The following CLTRN variants were observed in gnomAD, a reference collection of about 807,000 sequenced individuals.
CLTRN encodes collectrin.
CLTRN carries 12 observed loss-of-function variants against 14.5 expected under a neutral mutation model. The observed-to-expected ratio is 0.83, with a 90% CI of 0.53 to 1.34. The LOEUF is 1.34. CLTRN is among the 40% of genes most tolerant of loss of function. The pLI, the probability that CLTRN is intolerant of heterozygous loss-of-function variation, is 0.00. For missense variants in CLTRN, 154 were observed against 165.1 expected, an observed-to-expected ratio of 0.93 and a Z score of 0.37; for synonymous variants, 58 against 56.5, an observed-to-expected ratio of 1.03 and a Z score of -0.12.
intron 1 of CLTRN, 108 bp from the exon 2 acceptor site, chrX:15,664,503 A>T: frequency 1.4e-6 from 1 of 721,157 alleles, no homozygotes; most frequent in East Asian, 3.5e-5. Context: ...GGAACAAAGA[A>T]CTACAATTAA....
At chrX:15,652,517 T>C (rs1929243999) in intron 3 of CLTRN, among the ~76,000 whole-genome samples, 1 of 110,505 alleles carries the variant, frequency 9.0e-6, no homozygotes, top group South Asian at 3.8e-4. Flanking sequence ...CCTTTTATCT[T>C]TGGCCTTTTT....
intron 5 of CLTRN, among the ~76,000 whole-genome samples, chrX:15,633,605 A>G (rs1008647880): frequency 8.8e-6 from 1 of 113,043 alleles, no homozygotes; most frequent in African/African-American, 3.2e-5. Context: ...AAGACTATTC[A>G]TTTAATTAAG....
chrX:15,656,275 A>G (rs1371905054), intron 3 of CLTRN, among the ~76,000 whole-genome samples: 1 of 112,448 alleles, frequency 8.9e-6, no homozygotes, highest in East Asian at 2.8e-4. Context: ...CTCAGGAGAC[A>G]ATGAGCTCTG....
chrX:15,655,997 C>T (rs1050876710), intron 3 of CLTRN, among the ~76,000 whole-genome samples: 9 of 111,694 alleles, frequency 8.1e-5, no homozygotes, highest in East Asian at 2.8e-4. Context: ...CCTAGCTGGC[C>T]GCACTGGGGA....
At chrX:15,648,371 A>C (rs1218688456) in intron 3 of CLTRN, among the ~76,000 whole-genome samples, 3 of 111,752 alleles carry the variant, frequency 2.7e-5, no homozygotes, top group Non-Finnish European at 5.6e-5. Flanking sequence ...TTTAGCAGCA[A>C]ATCTGAGCTC....
In CLTRN at chrX:15,646,502, A is replaced by G. The variant is rs1480806119; in HGVS notation, c.204-1473T>C. 2.0e-4 allele frequency: 53 copies of G among 267,405 alleles called. 1 individual carries two copies. In the Admixed American group the frequency reaches 2.2e-3, roughly 11 times the overall value. The allele number at this position is 267,405 out of a possible 1,213,427, so 22.0% of individuals were successfully genotyped here. ...CCCCGCGCCAGAAGCACTGGGCCCT[A>G]CTGTCCAGGCCCTTCCTCAGCTCCC... On this transcript the variant is annotated intron_variant, in intron 3 of 5. Transcript: ENST00000380342.
chrX:15,655,416 G>GT lies in CLTRN; in HGVS notation c.203+3599_203+3600insA, dbSNP rs759711073. On this transcript the variant is annotated intron_variant, in intron 3 of 5. Coordinates refer to ENST00000380342, the MANE Select transcript of CLTRN (RefSeq NM_020665.6). ...CTGCACTGCATCTTCCCCTGACATG[G>GT]GTGACACGCTGACTGATTTCCTCCA... Among the ~76,000 whole-genome samples, 64 of 111,543 alleles carry GT rather than the reference G, an allele frequency of 5.7e-4. No homozygotes were observed. In the East Asian group the frequency reaches 0.016, roughly 28 times the overall value.
upstream of CLTRN, chrX:15,675,083 A>C (rs1188554405): frequency 8.8e-6 from 1 of 113,243 alleles, no homozygotes; most frequent in Non-Finnish European, 1.9e-5. Context: ...GAGCGCAGGC[A>C]GCAAGGCTTA....
In CLTRN at chrX:15,649,867, A is replaced by T. The variant is rs150067457; in HGVS notation, c.204-4838T>A. ...AGAGTGGATCAGACTAAGGAGAAAT[A>T]GATTCTTAAACAGAAAAAGGACATT... is the stretch of plus-strand genomic sequence containing the variant. On this transcript the variant is annotated intron_variant, in intron 3 of 5. Transcript: ENST00000380342. Among the ~76,000 whole-genome samples, 593 of 109,403 alleles carry T rather than the reference A, an allele frequency of 5.4e-3. 4 individuals carry two copies. Among genetic ancestry groups the T allele is most frequent in the African/African-American group, 0.018 (548 of 29,971 alleles).
upstream of CLTRN, among the ~76,000 whole-genome samples, chrX:15,669,636 C>T (rs1929680322): frequency 8.9e-6 from 1 of 111,789 alleles, no homozygotes; most frequent in African/African-American, 3.3e-5. Flanking sequence ...AAAGAAAACA[C>T]ATGTGTCGTT....
rs200106860 is a variant in CLTRN at position 15,639,714 on chromosome X, G to C, written c.360C>G (p.Asp120Glu). 1 of 1,207,619 alleles carries C rather than the reference G, an allele frequency of 8.3e-7. No individual in the cohort carries two copies. The highest frequency in any genetic ancestry group is 3.0e-5 in the East Asian group (1 of 33,738). ...NRINNAFFLN[D>E]QTLEFLKIPS... ...GGATTTTTAAAAATTCCAGAGTTTGGTCATTTAGAAAGAAGGCATTGTTGA... is the reference window on the plus strand; with the variant it reads ...GGATTTTTAAAAATTCCAGAGTTTGCTCATTTAGAAAGAAGGCATTGTTGA... Residue 120 changes from aspartate to glutamate, a missense_variant, in exon 5 of 6, where the codon GAC (aspartate) becomes GAG (glutamate). Asp to Glu is a conservative substitution (Grantham distance 45). Coordinates refer to ENST00000380342, the MANE Select transcript of CLTRN (RefSeq NM_020665.6).
chrX:15,651,285 T>C (rs1419965316), intron 3 of CLTRN, among the ~76,000 whole-genome samples: 1 of 111,457 alleles, frequency 9.0e-6, no homozygotes, highest in East Asian at 2.8e-4. Context: ...AAAGAGTTCC[T>C]ACTACAGCGG....
intron 5 of CLTRN, among the ~76,000 whole-genome samples, chrX:15,632,352 C>T (rs772114362): frequency 1.3e-4 from 15 of 111,192 alleles, no homozygotes; most frequent in Non-Finnish European, 2.8e-4. Context: ...CTGAGACGGG[C>T]GGATCACCTG....
intron 3 of CLTRN, chrX:15,646,960 G>T: frequency 3.9e-6 from 1 of 257,026 alleles, no homozygotes; most frequent in Non-Finnish European, 7.4e-6. Context: ...CCCTACTCCC[G>T]GGCAGCGTTG....
At chrX:15,652,017 T>C (rs1354233536) in intron 3 of CLTRN, among the ~76,000 whole-genome samples, 2 of 112,381 alleles carry the variant, frequency 1.8e-5, no homozygotes, top group Non-Finnish European at 3.8e-5. Context: ...ACTGTAAATG[T>C]GAAGGCAGAA....
intron 2 of CLTRN, among the ~76,000 whole-genome samples, chrX:15,663,963 A>G (rs915025939): frequency 3.6e-5 from 4 of 112,097 alleles, no homozygotes; most frequent in Non-Finnish European, 5.6e-5. Flanking sequence ...CTTATTTTCA[A>G]TGGTAGAAAA....
chrX:15,662,820 G>A (rs777355902), intron 2 of CLTRN, among the ~76,000 whole-genome samples: 1 of 111,252 alleles, frequency 9.0e-6, no homozygotes, highest in South Asian at 3.8e-4. Flanking sequence ...AACGGCATTT[G>A]ATGCTCTTGA....
intron 5 of CLTRN, 92 bp downstream of exon 5, chrX:15,639,470 A>G (rs1156441935): frequency 3.4e-5 from 28 of 816,950 alleles, no homozygotes; most frequent in Non-Finnish European, 4.6e-5. Flanking sequence ...TTAAGGCATT[A>G]TCTTCAGCCA....
intron 5 of CLTRN, among the ~76,000 whole-genome samples, chrX:15,638,698 C>G (rs896309034): frequency 8.9e-6 from 1 of 111,769 alleles, no homozygotes; most frequent in African/African-American, 3.3e-5. Flanking sequence ...CAAAATCATG[C>G]TGAGAAATCC....
Sources: gnomAD v4.1 joint callset for allele counts (sites outside exome capture counted in the v4.1 genomes callset) on GRCh38, gnomAD v4.1.1 for gene constraint, MANE v1.5 for transcripts, NCBI Gene and HGNC (gene_info 2026-07-23, HGNC 2026-07-21) for gene names.